OXSR1: variants seen among roughly 807,000 people sequenced by gnomAD.
OXSR1 encodes the protein oxidative stress responsive kinase 1.
In OXSR1, 24 loss-of-function variants were observed where a neutral mutation model predicts 79.8. The observed-to-expected ratio is 0.30, with a 90% CI of 0.22 to 0.42. OXSR1 has a LOEUF of 0.42. Among genes scored for constraint, OXSR1 ranks in the 10% least tolerant of loss-of-function variants. The pLI is 1.00. For missense variants in OXSR1, 430 were observed against 618.4 expected (o/e 0.70, Z 3.23); for synonymous variants, 226 against 209.2 (o/e 1.08, Z -0.69).
At chr3:38,174,182 T>C (rs1359889674) in intron 1 of OXSR1, among the ~76,000 whole-genome samples, 2 of 152,212 alleles carry the variant, frequency 1.3e-5, no homozygotes, top group African/African-American at 2.4e-5. Flanking sequence ...TGGTCCTGAT[T>C]GTCAGGTTGT....
chr3:38,197,131 C>T (rs1274710698), intron 3 of OXSR1, among the ~76,000 whole-genome samples: 1 of 152,322 alleles, frequency 6.6e-6, no homozygotes, highest in African/African-American at 2.4e-5. Flanking sequence ...CAAACTTCTT[C>T]CTTAGGTCTC....
chr3:38,203,154 ATCTT>A (rs1280437848), intron 4 of OXSR1, among the ~76,000 whole-genome samples: 3 of 152,164 alleles, frequency 2.0e-5, no homozygotes, highest in Admixed American at 6.5e-5. Flanking sequence ...GAAGTCTTTG[ATCTT>A]TCTTATAAGT....
At chr3:38,208,981 T>TGTGTGC (rs147292175) in intron 4 of OXSR1, among the ~76,000 whole-genome samples, 1 of 151,340 alleles carries the variant, frequency 6.6e-6, no homozygotes, top group Non-Finnish European at 1.5e-5. Flanking sequence ...TGTGTGTGTG[T>TGTGTGC]GTGTGCGCGC....
At chr3:38,167,631 AAAAAC>A (rs1269412774) in intron 1 of OXSR1, among the ~76,000 whole-genome samples, 1 of 152,258 alleles carries the variant, frequency 6.6e-6, no homozygotes, top group African/African-American at 2.4e-5. Flanking sequence ...TAGGAAAAAC[AAAAAC>A]AAAACAAAAC....
At chr3:38,177,206 C>T (rs1251794319) in intron 1 of OXSR1, among the ~76,000 whole-genome samples, 1 of 152,352 alleles carries the variant, frequency 6.6e-6, no homozygotes, top group Non-Finnish European at 1.5e-5. Flanking sequence ...GCATGATTAG[C>T]TTCCTTCTCC....
chr3:38,221,952 A>G (rs368998184), intron 6 of OXSR1, among the ~76,000 whole-genome samples: 1 of 152,202 alleles, frequency 6.6e-6, no homozygotes, highest in African/African-American at 2.4e-5. Context: ...AATTTTACAT[A>G]TAGATTTATT....
intron 3 of OXSR1, among the ~76,000 whole-genome samples, chr3:38,195,082 AT>A (rs1702050610): frequency 6.6e-6 from 1 of 152,192 alleles, no homozygotes; most frequent in Non-Finnish European, 1.5e-5. Flanking sequence ...GAATGTTGGG[AT>A]TTATTACTGC....
At chr3:38,174,286 TAA>T (rs1305812915) in intron 1 of OXSR1, among the ~76,000 whole-genome samples, 2 of 152,152 alleles carry the variant, frequency 1.3e-5, no homozygotes, top group Non-Finnish European at 2.9e-5. Context: ...ACTTTCGTTT[TAA>T]AACTCAGGCT....
intron 4 of OXSR1, among the ~76,000 whole-genome samples, chr3:38,214,991 A>G (rs1012147569): frequency 3.3e-5 from 5 of 152,148 alleles, no homozygotes; most frequent in African/African-American, 1.2e-4. Flanking sequence ...TTCAAGGGCT[A>G]CCTTTCTTTT....
chr3:38,193,281 G>A, intron 3 of OXSR1: 1 of 1,289,666 alleles, frequency 7.8e-7, no homozygotes, highest in Non-Finnish European at 1.0e-6. Flanking sequence ...AATCCCATTA[G>A]TGACACACTG....
chr3:38,224,451 T>G, intron 7 of OXSR1, 120 bp from the exon 8 acceptor site: 1 of 717,920 alleles, frequency 1.4e-6, no homozygotes, highest in East Asian at 2.9e-5. Flanking sequence ...AGATATGAAC[T>G]TACAGAAAAT....
chr3:38,228,107 G>A (rs146146910), intron 8 of OXSR1, among the ~76,000 whole-genome samples: 1 of 152,194 alleles, frequency 6.6e-6, no homozygotes, highest in East Asian at 1.9e-4. Context: ...GTATATTGTT[G>A]GCCAAAGCAT....
In OXSR1 at chr3:38,252,390, C is replaced by G; in HGVS notation, c.1507C>G (p.Leu503Val). 4 of 1,606,030 alleles carry G rather than the reference C, an allele frequency of 2.5e-6. No individual in the cohort carries two copies. The highest frequency in any genetic ancestry group is 3.4e-6 in the Non-Finnish European group (4 of 1,172,682). ...PQSNRSVTFKLASGVEGSDIP... is the reference protein window; with the variant it reads ...PQSNRSVTFKVASGVEGSDIP... ...GTCAAATCGATCTGTCACTTTCAAA[C>G]TGGTACTCATCCCTTCTTCCTTGTG... Residue 503 changes from leucine (L) to valine (V), a missense_variant and splice_region_variant, in exon 17 of 18, where the codon CTG becomes GTG. Around this residue, in one of 3 missense-constraint regions of OXSR1, gnomAD observed 276 missense variants for 354.2 expected, o/e 0.78. Coordinates refer to ENST00000311806, the MANE Select transcript of OXSR1 (RefSeq NM_005109.3).
At chr3:38,236,248 T>TG (rs397989258) in intron 10 of OXSR1, among the ~76,000 whole-genome samples, 2 of 142 alleles carry the variant, frequency 0.014, no homozygotes, top group Non-Finnish European at 0.015. Flanking sequence ...TCATCTTCTA[T>TG]GTGGGAAGTC....
intron 4 of OXSR1, among the ~76,000 whole-genome samples, chr3:38,205,509 G>A (rs543310857): frequency 6.6e-4 from 101 of 152,306 alleles, no homozygotes; most frequent in Admixed American, 1.9e-3. Context: ...TGTGTGAATA[G>A]CAGGGGCCTC....
intron 3 of OXSR1, among the ~76,000 whole-genome samples, chr3:38,196,621 T>C (rs935010085): frequency 6.6e-5 from 10 of 152,230 alleles, no homozygotes; most frequent in African/African-American, 2.2e-4. Flanking sequence ...AATCTTCCCA[T>C]TGATCATTGG....
rs1703312134 is a variant in OXSR1, at chr3:38,254,059, A to G, written c.*1168A>G. The stretch of plus-strand genomic sequence containing the variant: ...GCACTCATAATGCAATATGTGAATA[A>G]TCAGTGAGGTTGATTTTTCTTTTTT... On this transcript the variant is annotated 3_prime_UTR_variant, in exon 18 of 18. Coordinates refer to ENST00000311806, the MANE Select transcript of OXSR1 (RefSeq NM_005109.3). 1 of 397,212 alleles carries G rather than the reference A, an allele frequency of 2.5e-6. No individual in the cohort carries two copies. Among genetic ancestry groups the G allele is most frequent in the South Asian group, 1.4e-4 (1 of 7,218 alleles). The allele number at this position is 397,212 out of a possible 1,614,324, so 24.6% of individuals were successfully genotyped here. A position where few individuals can be genotyped will look rare whatever the true frequency, so the allele number is the denominator to read the frequency against.
intron 2 of OXSR1, among the ~76,000 whole-genome samples, chr3:38,183,871 T>C (rs937339493): frequency 1.3e-5 from 2 of 152,186 alleles, no homozygotes; most frequent in Non-Finnish European, 2.9e-5. Flanking sequence ...CAAGGGAAAT[T>C]AGTTTTTAAA....
intron 4 of OXSR1, among the ~76,000 whole-genome samples, chr3:38,203,203 C>T (rs952476528): frequency 6.6e-6 from 1 of 152,216 alleles, no homozygotes; most frequent in Non-Finnish European, 1.5e-5. Context: ...GCTACTGTCT[C>T]TCTCTGCTTC....
Sources: gnomAD v4.1 joint callset for allele counts (sites outside exome capture counted in the v4.1 genomes callset) on GRCh38, gnomAD v4.1.1 for gene constraint, gnomAD v4.1.1 regional missense constraint, MANE v1.5 for transcripts, NCBI Gene and HGNC (gene_info 2026-07-23, HGNC 2026-07-21) for gene names.